SHISA9: variants seen among roughly 807,000 people sequenced by gnomAD.
SHISA9 encodes the protein protein shisa-9.
A neutral mutation model predicts 38.0 loss-of-function variants in SHISA9; 13 were observed. The observed-to-expected ratio is 0.34, with a 90% CI of 0.22 to 0.54. SHISA9 has a LOEUF of 0.54. Among genes scored for constraint, SHISA9 ranks in the 20% least tolerant of loss-of-function variants. The pLI is 0.91. For synonymous variants in SHISA9, 275 were observed against 242.0 expected (o/e 1.14, Z -1.27); for missense variants, 538 against 575.8 (o/e 0.93, Z 0.67).
chr16:13,006,807 C>T (rs944525035), intron 2 of SHISA9, among the ~76,000 whole-genome samples: 18 of 152,116 alleles, frequency 1.2e-4, no homozygotes, highest in African/African-American at 4.1e-4. Context: ...CACAATTGTC[C>T]ACTCTCTGAT....
At chr16:13,268,423 C>A in the SHISA9 span, among the ~76,000 whole-genome samples, 3 of 152,116 alleles carry the variant, frequency 2.0e-5, no homozygotes, top group African/African-American at 7.2e-5. Flanking sequence ...GCAGGAGAAT[C>A]GCTTGAACCT....
At chr16:13,426,399 C>G in the SHISA9 span, among the ~76,000 whole-genome samples, 1 of 152,104 alleles carries the variant, frequency 6.6e-6, no homozygotes, top group African/African-American at 2.4e-5. Context: ...TCTCTCACTC[C>G]AAAAGGAGTT....
rs2051282179 is a variant in SHISA9, at chr16:13,226,619, G to A, written c.896-8411G>A. ...CTCCAAATCTTAGTTGCTGAGCATA[G>A]CAACCATTTATCGAGATCATGATTC... is the stretch of plus-strand genomic sequence containing the variant. On this transcript the variant is annotated intron_variant, in intron 4 of 4. Coordinates refer to ENST00000558583, the MANE Select transcript of SHISA9 (RefSeq NM_001145204.3). 4.6e-5 allele frequency among the ~76,000 whole-genome samples: 7 copies of A among 152,180 alleles called. No individual in the cohort carries two copies. The South Asian group carries it at 1.5e-3, about 32-fold the overall frequency.
intron 2 of SHISA9, among the ~76,000 whole-genome samples, chr16:12,933,683 A>T (rs1341184006): frequency 6.6e-6 from 1 of 152,218 alleles, no homozygotes; most frequent in Non-Finnish European, 1.5e-5. Flanking sequence ...TCTTCTTGCA[A>T]ATCTGCTGTT....
chr16:13,141,194 T>G (rs76641066), intron 2 of SHISA9, among the ~76,000 whole-genome samples: 2,542 of 152,238 alleles, frequency 0.017, 77 homozygotes, highest in African/African-American at 0.059. Flanking sequence ...TATTCTTGCT[T>G]ATTTCCTTCC....
chr16:12,970,188 A>G (rs997995264), intron 2 of SHISA9, among the ~76,000 whole-genome samples: 12 of 148,792 alleles, frequency 8.1e-5, no homozygotes, highest in African/African-American at 3.0e-4. Flanking sequence ...TATTTTTTCA[A>G]TGACAGATTT....
chr16:13,208,443 C>CTTTTTTTTTTTTTT (rs71395107), intron 3 of SHISA9, among the ~76,000 whole-genome samples: 1 of 125,082 alleles, frequency 8.0e-6, no homozygotes, highest in African/African-American at 3.1e-5. Context: ...CTTTTTTTTT[C>CTTTTTTTTTTTTTT]TTTTTTTTTT....
At chr16:13,372,440 A>G in the SHISA9 span, among the ~76,000 whole-genome samples, 1 of 152,190 alleles carries the variant, frequency 6.6e-6, no homozygotes, top group Admixed American at 6.5e-5. Flanking sequence ...GTACAGGAAC[A>G]AAGTCTTAGG....
At chr16:13,544,528 A>T in the SHISA9 span, among the ~76,000 whole-genome samples, 1 of 149,850 alleles carries the variant, frequency 6.7e-6, no homozygotes, top group Non-Finnish European at 1.5e-5. Context: ...GAGAAGCCAG[A>T]AGCAACCTTG....
At chr16:13,194,286 T>TAA (rs2050916085) in intron 2 of SHISA9, among the ~76,000 whole-genome samples, 2 of 152,224 alleles carry the variant, frequency 1.3e-5, no homozygotes, top group African/African-American at 2.4e-5. Flanking sequence ...TCACATTGTA[T>TAA]TACTGTCTGG....
the SHISA9 span, among the ~76,000 whole-genome samples, chr16:13,267,177 T>C: frequency 1.3e-5 from 2 of 152,140 alleles, no homozygotes; most frequent in African/African-American, 4.8e-5. Flanking sequence ...GACTTGCTAA[T>C]TTTAACATCA....
the SHISA9 span, among the ~76,000 whole-genome samples, chr16:13,282,099 C>G: frequency 6.6e-6 from 1 of 151,868 alleles, no homozygotes. Flanking sequence ...GCTCATCACT[C>G]TTTTGAGTAC....
rs1190809102 is a variant in SHISA9 at position 12,902,138 on chromosome 16, AGCGAGCGGGACACGGGCAGCTGGC to A, written c.77_100del (p.Arg26_Ala33del). The A allele has an allele frequency of 2.7e-6, 4 of 1,488,326 alleles. No individual in the cohort carries two copies. The Admixed American group carries it at 6.3e-5, about 23-fold the overall frequency. 92.2% of individuals were successfully genotyped at this position (1,488,326 alleles called of 1,614,324 possible). ...TGCGCCCGCGTGTGCCGGGCGCAGG[AGCGAGCGGGACACGGGCAGCTGGC>A]GCAACTGGGCGGCGTGTTGCTGCTG... On this transcript the variant is annotated inframe_deletion, in exon 1 of 5. Transcript: ENST00000558583.
chr16:13,008,678 C>CCTCTCT (rs377118345), intron 2 of SHISA9, among the ~76,000 whole-genome samples: 9 of 125,312 alleles, frequency 7.2e-5, no homozygotes, highest in African/African-American at 2.8e-4. Context: ...TCCCTCCCTC[C>CCTCTCT]CTCTCTCTCT....
Position 12,901,933 on chromosome 16 carries a change from G to A in SHISA9, c.-132G>A, listed in dbSNP as rs778004684. 1.5e-4 allele frequency: 90 copies of A among 604,504 alleles called. 1 individual carries two copies. Among genetic ancestry groups the A allele is most frequent in the Middle Eastern group, 1.1e-3 (2 of 1,842 alleles). The allele number at this position is 604,504 out of a possible 1,614,324, so 37.4% of individuals were successfully genotyped here. The stretch of plus-strand genomic sequence containing the variant: ...CGCCGACCACCGAGCGCCCCGCGCC[G>A]CTCCCTGCATGTGCGGCCCGCGGCG... On this transcript the variant is annotated 5_prime_UTR_variant, in exon 1 of 5. Coordinates refer to ENST00000558583, the MANE Select transcript of SHISA9 (RefSeq NM_001145204.3).
At chr16:13,458,411 C>A in the SHISA9 span, 2 of 389,264 alleles carry the variant, frequency 5.1e-6, no homozygotes, top group Non-Finnish European at 1.0e-5. Context: ...ACGATGGGAG[C>A]AGGGTCAAGC....
intron 2 of SHISA9, among the ~76,000 whole-genome samples, chr16:12,943,653 T>G (rs2071651995): frequency 6.6e-6 from 1 of 152,110 alleles, no homozygotes; most frequent in African/African-American, 2.4e-5. Context: ...AAACTGAGCA[T>G]CAGATTGAGC....
chr16:13,149,179 A>G (rs1316111583), intron 2 of SHISA9, among the ~76,000 whole-genome samples: 2 of 152,306 alleles, frequency 1.3e-5, no homozygotes, highest in East Asian at 3.9e-4. Context: ...CCAGACCAAC[A>G]TCTGAAAAAT....
chr16:13,048,333 G>A (rs1596611080), intron 2 of SHISA9, among the ~76,000 whole-genome samples: 1 of 152,214 alleles, frequency 6.6e-6, no homozygotes, highest in East Asian at 1.9e-4. Context: ...ATGGAGCCAG[G>A]CATCTGTGAA....
Sources: allele counts gnomAD v4.1 joint callset (sites outside exome capture counted in the v4.1 genomes callset), GRCh38; gene constraint gnomAD v4.1.1; transcripts MANE v1.5; gene names NCBI Gene and HGNC (gene_info 2026-07-23, HGNC 2026-07-21).